The following EPHB1 variants were observed in gnomAD, a reference collection of about 807,000 sequenced individuals.
The protein encoded by EPHB1 is EPH receptor B1.
A neutral mutation model predicts 94.4 loss-of-function variants in EPHB1; 30 were observed. The observed-to-expected ratio is 0.32, with a 90% confidence interval of 0.24 to 0.43. EPHB1 has a LOEUF of 0.43. Ranked by LOEUF, EPHB1 falls within the 20% of genes least tolerant of loss-of-function variation. The pLI is 1.00. For synonymous variants in EPHB1, 522 were observed against 489.1 expected, an observed-to-expected ratio of 1.07 and a Z score of -0.89; for missense variants, 1,055 against 1,308.3, an observed-to-expected ratio of 0.81 and a Z score of 2.99.
At chr3:134,943,318 C>A (rs1418341371) in intron 2 of EPHB1, among the ~76,000 whole-genome samples, 1 of 152,234 alleles carries the variant, frequency 6.6e-6, no homozygotes, top group South Asian at 2.1e-4. Context: ...TGGGCATGGG[C>A]TCTGTTGTCC....
At chr3:135,173,129 G>C (rs1941857752) in intron 9 of EPHB1, among the ~76,000 whole-genome samples, 1 of 150,764 alleles carries the variant, frequency 6.6e-6, no homozygotes, top group Non-Finnish European at 1.5e-5. Flanking sequence ...CCGCCTCCCG[G>C]GTTCACGCCA....
chr3:134,908,714 G>A (rs138638938), intron 1 of EPHB1, among the ~76,000 whole-genome samples: 1 of 152,232 alleles, frequency 6.6e-6, no homozygotes, highest in Non-Finnish European at 1.5e-5. Context: ...AAACAAGGAG[G>A]GAGAAGGCGT....
At chr3:134,942,169 C>T (rs1159361324) in intron 2 of EPHB1, among the ~76,000 whole-genome samples, 1 of 152,162 alleles carries the variant, frequency 6.6e-6, no homozygotes, top group Non-Finnish European at 1.5e-5. Context: ...AAAGAATAGG[C>T]CGGGGCTCTG....
At position 134,857,131 on chromosome 3, in the gene EPHB1, C is replaced by G. The variant is rs982230114; in HGVS notation, c.58+61442C>G. 5.3e-5 allele frequency among the ~76,000 whole-genome samples: 8 copies of G among 152,166 alleles called. No homozygotes were observed. In the South Asian group the frequency reaches 1.7e-3, roughly 31 times the overall value. On this transcript the variant is annotated intron_variant, in intron 1 of 15. Transcript: ENST00000398015. ...ACCAGGGGAAGCCAAATGAGCCAGC[C>G]TTGGGGGGCAGGGAGGTGGAGGGCT...
intron 6 of EPHB1, 118 bp from the exon 7 acceptor site, chr3:135,161,900 A>C: frequency 8.8e-7 from 1 of 1,131,322 alleles, no homozygotes; most frequent in South Asian, 1.7e-5. Flanking sequence ...GCTGATGACA[A>C]CTGCTAGCAG....
intron 3 of EPHB1, among the ~76,000 whole-genome samples, chr3:135,040,937 T>G (rs898178091): frequency 8.5e-5 from 13 of 152,112 alleles, no homozygotes; most frequent in East Asian, 3.9e-4. Context: ...ACATCGGAAT[T>G]TTATGGGGGA....
chr3:135,198,947 G>C (rs1266095670), intron 11 of EPHB1, among the ~76,000 whole-genome samples: 1 of 152,160 alleles, frequency 6.6e-6, no homozygotes, highest in Non-Finnish European at 1.5e-5. Context: ...CCAAAGCCTG[G>C]ACCTTTCCTC....
intron 1 of EPHB1, among the ~76,000 whole-genome samples, chr3:134,828,397 G>C (rs2108292542): frequency 6.6e-6 from 1 of 152,362 alleles, no homozygotes; most frequent in Non-Finnish European, 1.5e-5. Context: ...TTTAGGCTGA[G>C]AGACTGTCCT....
chr3:135,199,458 A>C (rs748191104), intron 11 of EPHB1, among the ~76,000 whole-genome samples: 23 of 152,184 alleles, frequency 1.5e-4, no homozygotes, highest in Non-Finnish European at 2.6e-4. Context: ...CGTGCTGAAA[A>C]CCAGTCAGAG....
At chr3:134,964,489 C>T (rs1933653745) in intron 3 of EPHB1, among the ~76,000 whole-genome samples, 1 of 152,202 alleles carries the variant, frequency 6.6e-6, no homozygotes, top group Admixed American at 6.5e-5. Flanking sequence ...TGACAATCTG[C>T]TCTTTGCACA....
intron 1 of EPHB1, among the ~76,000 whole-genome samples, chr3:134,848,926 CA>C (rs1212893939): frequency 6.6e-6 from 1 of 152,222 alleles, no homozygotes; most frequent in Non-Finnish European, 1.5e-5. Flanking sequence ...CAATCCAATA[CA>C]AGAGCTGTAT....
At chr3:134,964,192 A>G (rs1279529416) in intron 3 of EPHB1, among the ~76,000 whole-genome samples, 2 of 152,250 alleles carry the variant, frequency 1.3e-5, no homozygotes, top group Non-Finnish European at 2.9e-5. Context: ...ATATCCCAGC[A>G]GCATTGAGTA....
intron 3 of EPHB1, among the ~76,000 whole-genome samples, chr3:135,003,683 T>C (rs1935274319): frequency 6.6e-6 from 1 of 152,194 alleles, no homozygotes; most frequent in African/African-American, 2.4e-5. Flanking sequence ...TTAGCTCTTC[T>C]TGCTGAATTG....
intron 3 of EPHB1, among the ~76,000 whole-genome samples, chr3:134,958,791 C>T (rs763718062): frequency 1.9e-4 from 29 of 152,148 alleles, no homozygotes; most frequent in Non-Finnish European, 3.4e-4. Flanking sequence ...TGAGCAACAG[C>T]ACAGGGAGCT....
intron 3 of EPHB1, among the ~76,000 whole-genome samples, chr3:134,973,119 T>C (rs142698537): frequency 1.8e-4 from 28 of 152,250 alleles, no homozygotes; most frequent in African/African-American, 6.7e-4. Context: ...CTTTCTTGGG[T>C]GTGGGGAATG....
chr3:135,075,337 C>A (rs1349348716), intron 3 of EPHB1, among the ~76,000 whole-genome samples: 1 of 152,074 alleles, frequency 6.6e-6, no homozygotes, highest in African/African-American at 2.4e-5. Flanking sequence ...GGTTAGATTG[C>A]CTGGGAATCG....
chr3:135,148,333 C>T (rs1162605667), intron 5 of EPHB1, among the ~76,000 whole-genome samples: 1 of 152,180 alleles, frequency 6.6e-6, no homozygotes, highest in Non-Finnish European at 1.5e-5. Context: ...ACATAAAATG[C>T]TTGGCCCACG....
At chr3:134,936,298 G>A (rs1301562652) in intron 2 of EPHB1, among the ~76,000 whole-genome samples, 1 of 152,166 alleles carries the variant, frequency 6.6e-6, no homozygotes, top group Non-Finnish European at 1.5e-5. Flanking sequence ...GTTTGGGGAA[G>A]TGTGGGGTTG....
At chr3:135,048,259 C>CTTTTTTTTTTTTTTTT (rs34135757) in intron 3 of EPHB1, among the ~76,000 whole-genome samples, 183 of 55,226 alleles carry the variant, frequency 3.3e-3, no homozygotes, top group East Asian at 4.4e-3. Flanking sequence ...TTTCTTTTTT[C>CTTTTTTTTTTTTTTTT]TTTTTTTTTT....
Sources: allele counts gnomAD v4.1 joint callset (sites outside exome capture counted in the v4.1 genomes callset), GRCh38; gene constraint gnomAD v4.1.1; transcripts MANE v1.5; gene names NCBI Gene and HGNC (gene_info 2026-07-23, HGNC 2026-07-21).